RPTOR: variants seen among roughly 807,000 people sequenced by gnomAD.
The protein encoded by RPTOR is regulatory associated protein of MTOR complex 1.
A neutral mutation model predicts 169.9 loss-of-function variants in RPTOR; 21 were observed. That is an observed-to-expected ratio of 0.12 (90% CI 0.09 to 0.18). The LOEUF (loss-of-function observed/expected upper bound fraction) is 0.18. Ranked by LOEUF, RPTOR falls within the 10% of genes least tolerant of loss-of-function variation. The probability of loss-of-function intolerance (pLI) is 1.00; values close to 1 mark genes in which losing one functional copy is unlikely to be tolerated. For missense variants in RPTOR, 1,133 were observed against 1,855.9 expected (o/e 0.61, Z 7.16); for synonymous variants, 732 against 753.2 (o/e 0.97, Z 0.46).
rs549571792 is a variant in RPTOR at position 80,636,323 on chromosome 17, G to A, written c.266-7405G>A. Among the ~76,000 whole-genome samples, 21 of 152,268 alleles carry A rather than the reference G, an allele frequency of 1.4e-4. No individual in the cohort carries two copies. The East Asian group carries it at 2.9e-3, about 21-fold the overall frequency. On this transcript the variant is annotated intron_variant, in intron 2 of 33. Coordinates refer to ENST00000306801, the MANE Select transcript of RPTOR (RefSeq NM_020761.3). ...CGACCCCTACGTCACAGCGCCTCAA[G>A]CATCCCGACCCCTGCAACACTGTCT... is the stretch of plus-strand genomic sequence containing the variant.
intron 1 of RPTOR, among the ~76,000 whole-genome samples, chr17:80,549,388 C>T (rs1487439839): frequency 6.6e-6 from 1 of 152,152 alleles, no homozygotes; most frequent in Admixed American, 6.5e-5. Context: ...TGGCTCACTG[C>T]AACCTCCGCC....
Position 80,795,112 on chromosome 17 carries a change from A to G in RPTOR, c.890+3603A>G, listed in dbSNP as rs549322890. Among the ~76,000 whole-genome samples the G allele has an allele frequency of 2.0e-5, 3 of 152,374 alleles. No individual in the cohort carries two copies. The South Asian group carries it at 6.2e-4, about 32-fold the overall frequency. On this transcript the variant is annotated intron_variant, in intron 7 of 33. Transcript: ENST00000306801. ...CGAGAGTGAGCAGGCCGGAGAGTGC[A>G]GAGCAGATGCAGCACACGGCTGGCC... is the stretch of plus-strand genomic sequence containing the variant.
chr17:80,714,065 A>G (rs567590366), intron 4 of RPTOR, among the ~76,000 whole-genome samples: 4 of 152,106 alleles, frequency 2.6e-5, no homozygotes, highest in Admixed American at 6.5e-5. Context: ...CAGCCTCCCA[A>G]GGAGGTGGGA....
At chr17:80,643,858 C>G (rs894787856) in intron 3 of RPTOR, 48 bp downstream of exon 3, 2 of 1,428,758 alleles carry the variant, frequency 1.4e-6, no homozygotes, top group Non-Finnish European at 2.0e-6. Context: ...CAGGGAAACT[C>G]CAGTTCCTTG....
chr17:80,690,099 T>G (rs1211252444), intron 3 of RPTOR, among the ~76,000 whole-genome samples: 1 of 152,232 alleles, frequency 6.6e-6, no homozygotes, highest in Non-Finnish European at 1.5e-5. Flanking sequence ...CTTATTCATT[T>G]GTTTATTTTT....
intron 20 of RPTOR, among the ~76,000 whole-genome samples, chr17:80,896,062 C>G (rs530067864): frequency 1.3e-5 from 2 of 152,138 alleles, no homozygotes; most frequent in African/African-American, 4.8e-5. Context: ...CCTTTTGTGT[C>G]TTGTTTTTCC....
At position 80,964,937 on chromosome 17, in the gene RPTOR, A is replaced by G. The variant is rs892694813; in HGVS notation, c.*607A>G. 1.7e-5 allele frequency: 4 copies of G among 233,708 alleles called. No homozygotes were observed. The highest frequency in any genetic ancestry group is 1.2e-3 in the Middle Eastern group (1 of 810). 14.5% of individuals were successfully genotyped at this position (233,708 alleles called of 1,614,324 possible). ...CTGGCGGGTGTGAAGGAAGCCGCCC[A>G]GGGGTCCGGGCTGTCCTTGGCCGCT... On this transcript the variant is annotated 3_prime_UTR_variant, in exon 34 of 34. Transcript: ENST00000306801.
chr17:80,549,732 T>C (rs919281613), intron 1 of RPTOR, among the ~76,000 whole-genome samples: 9 of 152,240 alleles, frequency 5.9e-5, no homozygotes, highest in African/African-American at 2.2e-4. Context: ...TGACGGGTGC[T>C]TGAGAGCTAT....
In RPTOR at chr17:80,878,190, C is replaced by T. The variant is rs1002082819; in HGVS notation, c.1510-2225C>T. Among the ~76,000 whole-genome samples, 6 of 152,188 alleles carry T rather than the reference C, an allele frequency of 3.9e-5. No individual in the cohort carries two copies. The highest frequency in any genetic ancestry group is 8.8e-5 in the Non-Finnish European group (6 of 68,028). ...GAACGCACGCCTCACTCTGTCGATG[C>T]AGTGTCTGTCACTGCTCAGTTTCTA... On this transcript the variant is annotated intron_variant, in intron 13 of 33. Coordinates refer to ENST00000306801, the MANE Select transcript of RPTOR (RefSeq NM_020761.3). The surrounding 1 kb of genome is among the most constrained non-coding windows in gnomAD (Gnocchi z 4.1).
intron 13 of RPTOR, among the ~76,000 whole-genome samples, chr17:80,862,236 C>T (rs2067924865): frequency 6.6e-6 from 1 of 152,126 alleles, no homozygotes; most frequent in Admixed American, 6.5e-5. Context: ...TCTTAACCAG[C>T]TTGTTGCACC....
In RPTOR at chr17:80,668,708, A is replaced by T. The variant is rs564200008; in HGVS notation, c.348+24898A>T. 4.6e-5 allele frequency among the ~76,000 whole-genome samples: 7 copies of T among 152,318 alleles called. No homozygotes were observed. The South Asian group carries it at 1.5e-3, about 32-fold the overall frequency. The stretch of plus-strand genomic sequence containing the variant: ...TTTTCTGTCCAGCTACCTGGCAGTC[A>T]TTATTCCTCATTGTTTATTGTTAGA... On this transcript the variant is annotated intron_variant, in intron 3 of 33. Coordinates refer to ENST00000306801, the MANE Select transcript of RPTOR (RefSeq NM_020761.3).
At chr17:80,556,024 T>G (rs1008916506) in intron 1 of RPTOR, among the ~76,000 whole-genome samples, 7 of 151,118 alleles carry the variant, frequency 4.6e-5, no homozygotes, top group African/African-American at 1.5e-4. Flanking sequence ...AAAAAGTTTT[T>G]TGTTTTTTTT....
At position 80,726,973 on chromosome 17, in the gene RPTOR, G is replaced by C. The variant is rs1013537988; in HGVS notation, c.508-3587G>C. 1.3e-5 allele frequency among the ~76,000 whole-genome samples: 2 copies of C among 152,122 alleles called. No homozygotes were observed. Among genetic ancestry groups the C allele is most frequent in the Admixed American group, 1.3e-4 (2 of 15,268 alleles). ...CCCCAACCCCTGGGGACCTGTGAGC[G>C]CAGCCTGCAAGCTCCGGCTCCAGGA... On this transcript the variant is annotated intron_variant, in intron 4 of 33. Transcript: ENST00000306801. This position sits in a 1 kb window ranked among gnomAD's most constrained non-coding sequence, Gnocchi z 4.5.
intron 1 of RPTOR, among the ~76,000 whole-genome samples, chr17:80,607,187 T>TG (rs1248869544): frequency 6.6e-6 from 1 of 152,126 alleles, no homozygotes; most frequent in Non-Finnish European, 1.5e-5. Context: ...GATCTTCCTG[T>TG]GTCAGCCTCC....
chr17:80,735,818 A>C (rs1304796263), intron 5 of RPTOR, among the ~76,000 whole-genome samples: 11 of 152,118 alleles, frequency 7.2e-5, no homozygotes, highest in Non-Finnish European at 5.9e-5. Context: ...GAGCCATGGA[A>C]ATAGCCTGAG....
intron 3 of RPTOR, among the ~76,000 whole-genome samples, chr17:80,683,950 C>A (rs998439941): frequency 6.6e-6 from 1 of 151,706 alleles, no homozygotes; most frequent in Admixed American, 6.6e-5. Flanking sequence ...GGCATTGACT[C>A]CCTCATCCTC....
chr17:80,672,806 G>A (rs12603933), intron 3 of RPTOR, among the ~76,000 whole-genome samples: 71,665 of 151,708 alleles, frequency 0.47, 17,442 homozygotes, highest in East Asian at 0.6. Context: ...CAAACAAACA[G>A]ACTTCTCAAC....
At chr17:80,935,459 TAAAA>T (rs1170848574) in intron 24 of RPTOR, among the ~76,000 whole-genome samples, 1 of 152,088 alleles carries the variant, frequency 6.6e-6, no homozygotes. Flanking sequence ...AGACTTGCTA[TAAAA>T]AAAGTAATCA....
chr17:80,674,349 G>A (rs868390256), intron 3 of RPTOR, among the ~76,000 whole-genome samples: 4 of 152,282 alleles, frequency 2.6e-5, no homozygotes, highest in African/African-American at 9.6e-5. Flanking sequence ...AGAAGAAGTA[G>A]GGAAGAAGAC....
Sources: allele counts gnomAD v4.1 joint callset (sites outside exome capture counted in the v4.1 genomes callset), GRCh38; gene constraint gnomAD v4.1.1; non-coding constraint Gnocchi (gnomAD v3.1); transcripts MANE v1.5; gene names NCBI Gene and HGNC (gene_info 2026-07-23, HGNC 2026-07-21).